The following PANK1 variants were observed in gnomAD, a reference collection of about 807,000 sequenced individuals.
The protein encoded by PANK1 is pantothenate kinase 1, also known as pantothenic acid kinase 1.
Under a neutral mutation model 40.1 loss-of-function variants are expected in PANK1, and 18 were observed. The ratio of observed to expected loss-of-function variants is 0.45; its 90% CI spans 0.31 to 0.67. The LOEUF (loss-of-function observed/expected upper bound fraction) is 0.67. Ranked by LOEUF, PANK1 falls within the 30% of genes least tolerant of loss-of-function variation. PANK1 has a pLI of 0.06. For missense variants in PANK1, 457 were observed against 599.6 expected, an observed-to-expected ratio of 0.76 and a Z score of 2.48; for synonymous variants, 242 against 237.7, an observed-to-expected ratio of 1.02 and a Z score of -0.17.
chr10:89,623,747 A>T (rs1003848415), intron 1 of PANK1, among the ~76,000 whole-genome samples: 7 of 152,132 alleles, frequency 4.6e-5, no homozygotes, highest in Admixed American at 3.3e-4. Flanking sequence ...GCCTGCCCAT[A>T]TCAAACCAAT....
intron 1 of PANK1, among the ~76,000 whole-genome samples, chr10:89,627,874 A>G (rs1841520276): frequency 1.3e-5 from 2 of 152,202 alleles, no homozygotes; most frequent in South Asian, 4.1e-4. Flanking sequence ...TTTTAAAATA[A>G]TAAGATATTA....
intron 1 of PANK1, chr10:89,626,131 T>C (rs1282285957): frequency 6.6e-6 from 1 of 152,202 alleles, no homozygotes; most frequent in African/African-American, 2.4e-5. Context: ...ATGAAATTTG[T>C]TTCCCATTCC....
At position 89,631,976 on chromosome 10, in the gene PANK1, G is replaced by GTGTT. The variant is rs199540491; in HGVS notation, c.292+12623_292+12624insAACA. 6.4e-3 allele frequency among the ~76,000 whole-genome samples: 911 copies of GTGTT among 143,320 alleles called. 7 individuals are homozygous for GTGTT. The highest frequency in any genetic ancestry group is 8.4e-3 in the African/African-American group (323 of 38,522). 94.0% of individuals were successfully genotyped at this position (143,320 alleles called of 152,430 possible). ...ACAGATTGTGTGTGTGTGTGTGTGT[G>GTGTT]TTTTTTTTTTTAAAAAGGGTTCTTT... On this transcript the variant is annotated intron_variant, in intron 1 of 6. Coordinates refer to ENST00000307534, the MANE Select transcript of PANK1 (RefSeq NM_148977.3).
intron 1 of PANK1, among the ~76,000 whole-genome samples, chr10:89,642,641 A>G (rs1276799798): frequency 6.6e-6 from 1 of 152,248 alleles, no homozygotes; most frequent in African/African-American, 2.4e-5. Context: ...ATATCAACTG[A>G]TTGGACAATA....
At chr10:89,635,107 A>G (rs1841763270) in intron 1 of PANK1, among the ~76,000 whole-genome samples, 1 of 152,052 alleles carries the variant, frequency 6.6e-6, no homozygotes, top group South Asian at 2.1e-4. Flanking sequence ...TTAAATGTCT[A>G]CATGGTTGAT....
chr10:89,644,475 GTCCCTC>G (rs1477185490), intron 1 of PANK1, 119 bp downstream of exon 1: 1 of 802,382 alleles, frequency 1.2e-6, no homozygotes, highest in African/African-American at 1.8e-5. Context: ...ACTCTGTGCA[GTCCCTC>G]GACCGCAGAC....
chr10:89,614,094 G>A (rs1845244598), intron 1 of PANK1: 1 of 450,220 alleles, frequency 2.2e-6, no homozygotes, highest in South Asian at 1.6e-5. Context: ...TTTTTCAGTG[G>A]AGTTTTAAAC....
At chr10:89,609,738 A>G (rs893728735) in intron 2 of PANK1, among the ~76,000 whole-genome samples, 2 of 152,208 alleles carry the variant, frequency 1.3e-5, no homozygotes, top group African/African-American at 4.8e-5. Flanking sequence ...CAGTCTATTC[A>G]TTAGGCTTCA....
At chr10:89,588,809 C>G (rs1844281551) in intron 5 of PANK1, 32 bp from the exon 6 acceptor site, 2 of 1,532,822 alleles carry the variant, frequency 1.3e-6, no homozygotes, top group South Asian at 2.5e-5. Context: ...ACAATTGAAT[C>G]ATGGCATAAA....
At chr10:89,595,860 AT>A (rs1844576389) in intron 3 of PANK1, among the ~76,000 whole-genome samples, 3 of 120,486 alleles carry the variant, frequency 2.5e-5, no homozygotes, top group African/African-American at 6.9e-5. Flanking sequence ...ATATATATAT[AT>A]ATATATATAT....
At chr10:89,592,702 C>T (rs752209450) in intron 5 of PANK1, 1 of 533,208 alleles carries the variant, frequency 1.9e-6, no homozygotes, top group Non-Finnish European at 3.9e-6. Flanking sequence ...AGCTCCACCC[C>T]TTTTTGTGCC....
intron 1 of PANK1, among the ~76,000 whole-genome samples, chr10:89,621,089 G>A (rs1291985650): frequency 1.3e-5 from 2 of 152,148 alleles, no homozygotes; most frequent in Non-Finnish European, 2.9e-5. Context: ...ATCATCTGAG[G>A]TCAGAAGTTC....
chr10:89,611,632 G>A (rs1845155343), intron 2 of PANK1, 64 bp downstream of exon 2: 1 of 1,174,520 alleles, frequency 8.5e-7, no homozygotes, highest in Admixed American at 2.2e-5. Flanking sequence ...TCTTCGGTAT[G>A]AGTGGCCATG....
chr10:89,629,334 AT>A (rs552447353), intron 1 of PANK1, among the ~76,000 whole-genome samples: 206 of 151,748 alleles, frequency 1.4e-3, no homozygotes, highest in Non-Finnish European at 1.6e-3. Flanking sequence ...TTACAAGTGA[AT>A]TTTTTTTTAC....
At chr10:89,623,664 T>C (rs10881611) in intron 1 of PANK1, among the ~76,000 whole-genome samples, 34,130 of 152,112 alleles carry the variant, frequency 0.22, 4,125 homozygotes, top group East Asian at 0.49. Flanking sequence ...AGCAGGTCTG[T>C]GGTCCTGCCC....
intron 5 of PANK1, among the ~76,000 whole-genome samples, chr10:89,589,207 G>A (rs7897230): frequency 0.078 from 11,925 of 152,150 alleles, 873 homozygotes; most frequent in African/African-American, 0.19. Flanking sequence ...TTTGTGTAAT[G>A]AATAATGCTC....
intron 1 of PANK1, among the ~76,000 whole-genome samples, chr10:89,642,902 G>A (rs1161480372): frequency 6.6e-6 from 1 of 152,126 alleles, no homozygotes; most frequent in Non-Finnish European, 1.5e-5. Context: ...AAACAACTAG[G>A]ATTTTTATTC....
rs1370998058 is a variant in PANK1 at position 89,583,196 on chromosome 10, T to C, written c.*1210A>G. 3 of 152,190 alleles carry C rather than the reference T, an allele frequency of 2.0e-5. No homozygotes were observed. The highest frequency in any genetic ancestry group is 7.2e-5 in the African/African-American group (3 of 41,470). 9.4% of individuals were successfully genotyped at this position (152,190 alleles called of 1,614,324 possible). A position where few individuals can be genotyped will look rare whatever the true frequency, so the allele number is the denominator to read the frequency against. ...GATCATGGGATCTCATGCATCCCAA[T>C]ATTTGTACATGACCCTCATTTGAAA... On this transcript the variant is annotated 3_prime_UTR_variant, in exon 7 of 7. Transcript: ENST00000307534.
chr10:89,632,377 T>C (rs1000576801), intron 1 of PANK1, among the ~76,000 whole-genome samples: 1 of 152,036 alleles, frequency 6.6e-6, no homozygotes, highest in African/African-American at 2.4e-5. Flanking sequence ...ATCCTAACCA[T>C]AAACATATAA....
Sources: allele counts gnomAD v4.1 joint callset (sites outside exome capture counted in the v4.1 genomes callset), GRCh38; gene constraint gnomAD v4.1.1; transcripts MANE v1.5; gene names NCBI Gene and HGNC (gene_info 2026-07-23, HGNC 2026-07-21).